The following ATM variants were observed in gnomAD, a reference collection of about 807,000 sequenced individuals.
The protein encoded by ATM is serine-protein kinase ATM.
In ATM, 308 loss-of-function variants were observed where a neutral mutation model predicts 387.0. That is an observed-to-expected ratio of 0.80 (90% CI 0.73 to 0.87). ATM has a LOEUF of 0.87. Among genes scored for constraint, ATM ranks in the 40% least tolerant of loss-of-function variants. ATM has a pLI of 0.00. For missense variants in ATM, 3,312 were observed against 3,560.9 expected (o/e 0.93, Z 1.78); for synonymous variants, 1,156 against 1,187.3 (o/e 0.97, Z 0.54).
intron 45 of ATM, among the ~76,000 whole-genome samples, chr11:108,322,827 C>T (rs1374200103): frequency 6.6e-6 from 1 of 151,804 alleles, no homozygotes; most frequent in Non-Finnish European, 1.5e-5. Context: ...GCATGTTACA[C>T]TCCATTCGGT....
intron 16 of ATM, among the ~76,000 whole-genome samples, chr11:108,260,766 C>T (rs2080819082): frequency 6.6e-6 from 1 of 152,168 alleles, no homozygotes; most frequent in Non-Finnish European, 1.5e-5. Context: ...ACAGTGGGCG[C>T]AGGTCAGTGG....
rs753808755 is a variant in ATM at position 108,250,908 on chromosome 11, A to C, written c.1443A>C (p.Leu481Phe). Residue 481 changes from leucine (L) to phenylalanine (F), a missense_variant, in exon 10 of 63, where the codon TTA becomes TTC. By Grantham distance (22) the Leu-to-Phe change is conservative. This residue lies in a region of ATM where 1,791 missense variants were observed against 1,804.5 expected (regional missense o/e 0.99). Coordinates refer to ENST00000675843, the MANE Select transcript of ATM (RefSeq NM_000051.4). ...NLESSQKSDL[L>F]KLWNKIWCIT... is the part of the protein sequence containing the mutation. ...AAAGCTCACAAAAGTCAGATTTATT[A>C]AAACTCTGGAATAAAATTTGGTGTA... 5.6e-6 allele frequency: 9 copies of C among 1,614,210 alleles called. No individual in the cohort carries two copies. Among genetic ancestry groups the C allele is most frequent in the Non-Finnish European group, 7.6e-6 (9 of 1,180,026 alleles).
intron 29 of ATM, 31 bp downstream of exon 29, chr11:108,289,832 C>A (rs1212898884): frequency 6.3e-7 from 1 of 1,581,614 alleles, no homozygotes; most frequent in Non-Finnish European, 8.7e-7. Flanking sequence ...AATATATAAG[C>A]AGTCTTTCTA....
chr11:108,353,531 T>C (rs571036427), intron 59 of ATM, among the ~76,000 whole-genome samples: 1 of 152,198 alleles, frequency 6.6e-6, no homozygotes, highest in Non-Finnish European at 1.5e-5. Context: ...CCCTTTAACC[T>C]AGATTTCTCT....
At chr11:108,224,301 T>C (rs1436602180) in intron 1 of ATM, 2 of 152,322 alleles carry the variant, frequency 1.3e-5, no homozygotes, top group East Asian at 3.9e-4. Flanking sequence ...AAGAATGGCA[T>C]GCCAAGGGCA....
chr11:108,300,517 C>G (rs2083371087), intron 34 of ATM, among the ~76,000 whole-genome samples: 1 of 152,172 alleles, frequency 6.6e-6, no homozygotes, highest in South Asian at 2.1e-4. Context: ...GGGTTTTCCT[C>G]ACAACCAGGC....
intron 1 of ATM, chr11:108,225,508 C>T (rs921588998): frequency 1.3e-5 from 2 of 152,194 alleles, no homozygotes; most frequent in African/African-American, 4.8e-5. Flanking sequence ...CAGTCTCGCT[C>T]TGTCGCCCAT....
At chr11:108,350,736 T>G (rs1386157327) in intron 59 of ATM, among the ~76,000 whole-genome samples, 1 of 152,148 alleles carries the variant, frequency 6.6e-6, no homozygotes, top group Non-Finnish European at 1.5e-5. Context: ...GGAGCCAGAC[T>G]TTATCTGAGA....
Position 108,293,900 on chromosome 11 carries a change from T to A in ATM, c.4776+423T>A, listed in dbSNP as rs1458553992. 2.2e-3 allele frequency among the ~76,000 whole-genome samples: 281 copies of A among 127,032 alleles called. 2 individuals are homozygous for A. Among genetic ancestry groups the A allele is most frequent in the African/African-American group, 7.4e-3 (265 of 35,842 alleles). The allele number at this position is 127,032 out of a possible 152,430, so 83.3% of individuals were successfully genotyped here. A position where few individuals can be genotyped will look rare whatever the true frequency, so the allele number is the denominator to read the frequency against. ...CTCAAAAAAAAAAAAAAAAAATATA[T>A]ATATATATATATATATATATGTGTG... is the stretch of plus-strand genomic sequence containing the variant. On this transcript the variant is annotated intron_variant, in intron 31 of 62. Coordinates refer to ENST00000675843, the MANE Select transcript of ATM (RefSeq NM_000051.4).
At chr11:108,316,147 C>T (rs775891137) in intron 42 of ATM, 34 bp downstream of exon 42, 1 of 1,565,324 alleles carries the variant, frequency 6.4e-7, no homozygotes, top group Non-Finnish European at 8.8e-7. Flanking sequence ...AAAGCCATCA[C>T]TAGTGTAGTG....
At chr11:108,296,504 G>A (rs983321192) in intron 32 of ATM, among the ~76,000 whole-genome samples, 19 of 151,506 alleles carry the variant, frequency 1.3e-4, no homozygotes, top group Admixed American at 2.0e-4. Context: ...CATCTGCCTC[G>A]GCCTCCCAAA....
chr11:108,307,129 C>CTTTTTCT (rs1366489275), intron 37 of ATM, among the ~76,000 whole-genome samples: 1 of 151,544 alleles, frequency 6.6e-6, no homozygotes, highest in African/African-American at 2.4e-5. Context: ...TCAGATATCA[C>CTTTTTCT]TTTTTCTTTT....
At chr11:108,251,386 T>G (rs2080141185) in intron 10 of ATM, among the ~76,000 whole-genome samples, 1 of 152,226 alleles carries the variant, frequency 6.6e-6, no homozygotes, top group Non-Finnish European at 1.5e-5. Context: ...GACACACTCA[T>G]GTAGGGTGAT....
intron 14 of ATM, among the ~76,000 whole-genome samples, chr11:108,257,084 A>G (rs2080541272): frequency 6.6e-6 from 1 of 152,170 alleles, no homozygotes; most frequent in Admixed American, 6.5e-5. Context: ...ATCCTTGAGG[A>G]ATTGCCACAC....
At chr11:108,266,121 A>G (rs1295785235) in intron 16 of ATM, among the ~76,000 whole-genome samples, 1 of 150,958 alleles carries the variant, frequency 6.6e-6, no homozygotes, top group East Asian at 2.0e-4. Context: ...TGACCCAGCC[A>G]TCCCATTACT....
At chr11:108,306,480 G>A (rs931256019) in intron 37 of ATM, among the ~76,000 whole-genome samples, 4 of 152,060 alleles carry the variant, frequency 2.6e-5, no homozygotes, top group Admixed American at 2.6e-4. Flanking sequence ...ATAGTTTAAG[G>A]TAATCATTGT....
In ATM at chr11:108,325,492, C is replaced by G. The variant is rs755531586; in HGVS notation, c.6755C>G (p.Thr2252Ser). Reference protein sequence around the residue: ...SQRECIKDILTKHLVELSILA... With the variant: ...SQRECIKDILSKHLVELSILA... Reference sequence around the variant, plus strand: ...AGAGAATGTATTAAGGACATTCTCACCAAACACCTTGTAGAACTCTCTATA... The same window carrying G: ...AGAGAATGTATTAAGGACATTCTCAGCAAACACCTTGTAGAACTCTCTATA... The change falls in exon 46 of 63, where the codon ACC becomes AGC. Residue 2252 changes from threonine (T) to serine (S), a missense_variant. Physicochemically the swap from Thr to Ser is moderately conservative, Grantham distance 58. Transcript: ENST00000675843. The G allele has an allele frequency of 3.1e-6, 5 of 1,613,290 alleles. No homozygotes were observed. The highest frequency in any genetic ancestry group is 2.2e-5 in the East Asian group (1 of 44,838).
chr11:108,278,481 T>A (rs1335997794), intron 22 of ATM, among the ~76,000 whole-genome samples: 1 of 152,146 alleles, frequency 6.6e-6, no homozygotes, highest in African/African-American at 2.4e-5. Flanking sequence ...TTTTTTTAAT[T>A]TTACACTTGT....
At position 108,271,162 on chromosome 11, in the gene ATM, C is replaced by T. The variant is rs558376224; in HGVS notation, c.2921+16C>T. Reference sequence around the variant, plus strand: ...AACCACTATCGTAAGAAATTAAAACCTTATGTTATGTTCACTTTAAAGTTA... The same window carrying T: ...AACCACTATCGTAAGAAATTAAAACTTTATGTTATGTTCACTTTAAAGTTA... On this transcript the variant is annotated intron_variant, in intron 19 of 62. Transcript: ENST00000675843. 6.2e-7 allele frequency: 1 copy of T among 1,613,224 alleles called. No homozygotes were observed. The highest frequency in any genetic ancestry group is 8.5e-7 in the Non-Finnish European group (1 of 1,179,760).
Sources: gnomAD v4.1 joint callset for allele counts (sites outside exome capture counted in the v4.1 genomes callset) on GRCh38, gnomAD v4.1.1 for gene constraint, gnomAD v4.1.1 regional missense constraint, MANE v1.5 for transcripts, NCBI Gene and HGNC (gene_info 2026-07-23, HGNC 2026-07-21) for gene names.